The following WASF2 variants were observed in gnomAD, a reference collection of about 807,000 sequenced individuals.
The protein encoded by WASF2 is actin-binding protein WASF2.
WASF2 carries 14 observed loss-of-function variants against 45.0 expected under a neutral mutation model. The ratio of observed to expected loss-of-function variants is 0.31; its 90% confidence interval spans 0.21 to 0.49. WASF2 has a LOEUF of 0.49. WASF2 is among the 20% of genes least tolerant of loss of function. WASF2 has a pLI of 0.99. For synonymous variants in WASF2, 200 were observed against 236.3 expected, an observed-to-expected ratio of 0.85 and a Z score of 1.41; for missense variants, 439 against 636.1, an observed-to-expected ratio of 0.69 and a Z score of 3.33.
At chr1:27,483,101 G>A (rs571704254) in intron 1 of WASF2, among the ~76,000 whole-genome samples, 10 of 152,138 alleles carry the variant, frequency 6.6e-5, no homozygotes, top group Non-Finnish European at 1.0e-4. Context: ...TTGGAAGGCC[G>A]AGGTGGGCAA....
chr1:27,460,121 T>C (rs2017524671), intron 1 of WASF2, among the ~76,000 whole-genome samples: 1 of 152,212 alleles, frequency 6.6e-6, no homozygotes, highest in Non-Finnish European at 1.5e-5. Context: ...ATGACAGTAA[T>C]ATTTCTCTGC....
At chr1:27,451,788 T>G (rs79136633) in intron 1 of WASF2, among the ~76,000 whole-genome samples, 103 of 152,320 alleles carry the variant, frequency 6.8e-4, no homozygotes, top group Non-Finnish European at 1.3e-3. Flanking sequence ...TAAATTACAG[T>G]AGTCACCCCT....
chr1:27,489,243 T>C (rs1215299515), intron 1 of WASF2, among the ~76,000 whole-genome samples: 1 of 131,648 alleles, frequency 7.6e-6, no homozygotes, highest in Non-Finnish European at 1.6e-5. Flanking sequence ...CAGACTATCC[T>C]GTACGCGCGC....
intron 1 of WASF2, among the ~76,000 whole-genome samples, chr1:27,461,163 A>G (rs80178704): frequency 0.071 from 10,854 of 152,152 alleles, 437 homozygotes; most frequent in Middle Eastern, 0.11. Context: ...AAAAACAAAC[A>G]ACAAAAAAAA....
chr1:27,487,616 A>ATATATTTTATACAATATATAATATATAT (rs2017957223), intron 1 of WASF2, among the ~76,000 whole-genome samples: 1 of 98,686 alleles, frequency 1.0e-5, no homozygotes, highest in Non-Finnish European at 1.8e-5. Flanking sequence ...TATATATTAT[A>ATATATTTTATACAATATATAATATATAT]TATATTTTAT....
chr1:27,439,807 T>A (rs2017183766), intron 1 of WASF2, among the ~76,000 whole-genome samples: 1 of 151,786 alleles, frequency 6.6e-6, no homozygotes, highest in African/African-American at 2.4e-5. Context: ...AAGATTAGCC[T>A]GGGCAACATG....
At chr1:27,472,563 G>A (rs1034018155) in intron 1 of WASF2, among the ~76,000 whole-genome samples, 1 of 149,704 alleles carries the variant, frequency 6.7e-6, no homozygotes, top group African/African-American at 2.5e-5. Flanking sequence ...GAGCCCAGGA[G>A]GCAGAGGTTG....
rs151210349 is a variant in WASF2 at position 27,463,306 on chromosome 1, G to T, written c.-44+26680C>A. On this transcript the variant is annotated intron_variant, in intron 1 of 8. Transcript: ENST00000618852. ...TTTAACTTTTTCTTAGAAACTCAGGGTCTTCACATCTGCAGTGGTACTGCT... is the reference window on the plus strand; with the variant it reads ...TTTAACTTTTTCTTAGAAACTCAGGTTCTTCACATCTGCAGTGGTACTGCT... Among the ~76,000 whole-genome samples the T allele has an allele frequency of 3.5e-3, 539 of 152,144 alleles. 1 individual carries two copies. Among genetic ancestry groups the T allele is most frequent in the African/African-American group, 0.012 (515 of 41,506 alleles).
At chr1:27,484,176 T>C (rs2017891956) in intron 1 of WASF2, among the ~76,000 whole-genome samples, 1 of 152,164 alleles carries the variant, frequency 6.6e-6, no homozygotes, top group African/African-American at 2.4e-5. Flanking sequence ...ATCCATGCTG[T>C]CATGGGGCTT....
chr1:27,486,900 G>A (rs1408388678), intron 1 of WASF2, among the ~76,000 whole-genome samples: 1 of 149,854 alleles, frequency 6.7e-6, no homozygotes, highest in East Asian at 1.9e-4. Context: ...CTCCAGCCTG[G>A]GTGACTGATA....
intron 1 of WASF2, among the ~76,000 whole-genome samples, chr1:27,436,857 GGAAAACTGA>G (rs1446640118): frequency 1.3e-5 from 2 of 152,150 alleles, no homozygotes; most frequent in Non-Finnish European, 2.9e-5. Flanking sequence ...TATTTGACTG[GGAAAACTGA>G]GAAAAAGGGC....
In WASF2 at chr1:27,422,039, GA is replaced by G. The variant is rs571828598; in HGVS notation, c.131-2952del. On this transcript the variant is annotated intron_variant, in intron 2 of 8. Coordinates refer to ENST00000618852, the MANE Select transcript of WASF2 (RefSeq NM_006990.5). ...TAACCATCCAGCTATTCTGGAGGGG[GA>G]AAAAAAAAAAACAATCAACTTACAC... Among the ~76,000 whole-genome samples the G allele has an allele frequency of 3.9e-3, 544 of 139,990 alleles. 3 individuals are homozygous for G. Among genetic ancestry groups the G allele is most frequent in the African/African-American group, 9.3e-3 (360 of 38,524 alleles). 91.8% of individuals were successfully genotyped at this position (139,990 alleles called of 152,430 possible).
chr1:27,474,537 T>C (rs1344877012), intron 1 of WASF2, among the ~76,000 whole-genome samples: 1 of 151,922 alleles, frequency 6.6e-6, no homozygotes, highest in Non-Finnish European at 1.5e-5. Context: ...TTTGGGAGGC[T>C]GAGGTGGGCG....
intron 1 of WASF2, among the ~76,000 whole-genome samples, chr1:27,450,137 C>T (rs1304426902): frequency 6.6e-6 from 1 of 151,258 alleles, no homozygotes; most frequent in Admixed American, 6.6e-5. Flanking sequence ...GAGCAAGACT[C>T]CGTCTCAAAA....
At chr1:27,419,699 T>C (rs1030086474) in intron 2 of WASF2, among the ~76,000 whole-genome samples, 2 of 152,158 alleles carry the variant, frequency 1.3e-5, no homozygotes, top group Non-Finnish European at 2.9e-5. Context: ...GAAAAACAGA[T>C]TGGGAGTTCA....
intron 3 of WASF2, 71 bp from the exon 4 acceptor site, chr1:27,418,493 G>C: frequency 6.3e-7 from 1 of 1,596,046 alleles, no homozygotes; most frequent in Non-Finnish European, 8.6e-7. Context: ...CACACCAGTC[G>C]GAGAGGCCTC....
chr1:27,463,975 T>C (rs2017583064), intron 1 of WASF2, among the ~76,000 whole-genome samples: 1 of 151,658 alleles, frequency 6.6e-6, no homozygotes, highest in Non-Finnish European at 1.5e-5. Context: ...TTCTCCATGT[T>C]GGTCAGGCTG....
At chr1:27,447,691 G>A (rs2017328999) in intron 1 of WASF2, among the ~76,000 whole-genome samples, 1 of 152,182 alleles carries the variant, frequency 6.6e-6, no homozygotes, top group South Asian at 2.1e-4. Flanking sequence ...AATGGAGCCT[G>A]ATACCTGATG....
intron 1 of WASF2, among the ~76,000 whole-genome samples, chr1:27,477,956 A>G (rs550987485): frequency 6.6e-6 from 1 of 151,732 alleles, no homozygotes; most frequent in African/African-American, 2.4e-5. Context: ...CTAGGATATT[A>G]GAAATGGGAG....
Sources: allele counts gnomAD v4.1 joint callset (sites outside exome capture counted in the v4.1 genomes callset), GRCh38; gene constraint gnomAD v4.1.1; transcripts MANE v1.5; gene names NCBI Gene and HGNC (gene_info 2026-07-23, HGNC 2026-07-21).